Variants in PUM1 observed in about 807,000 individuals in gnomAD.
PUM1 encodes the protein pumilio homolog 1.
A neutral mutation model predicts 131.8 loss-of-function variants in PUM1; 13 were observed. That is an observed-to-expected ratio of 0.10 (90% CI 0.06 to 0.16). PUM1 has a LOEUF of 0.16. Ranked by LOEUF, PUM1 falls within the 10% of genes least tolerant of loss-of-function variation. The pLI, the probability that PUM1 is intolerant of heterozygous loss-of-function variation, is 1.00. For missense variants in PUM1, 961 were observed against 1,512.4 expected, an observed-to-expected ratio of 0.64 and a Z score of 6.05; for synonymous variants, 509 against 556.5, an observed-to-expected ratio of 0.91 and a Z score of 1.20.
chr1:30,988,888 AT>A (rs1641666988), intron 7 of PUM1, among the ~76,000 whole-genome samples: 1 of 152,164 alleles, frequency 6.6e-6, no homozygotes, highest in Non-Finnish European at 1.5e-5. Context: ...GAACCCATTA[AT>A]TTAGCACTTA....
chr1:31,050,138 CTTT>C lies in PUM1; in HGVS notation c.363+9063_363+9065del, dbSNP rs1570356108. ...GAGCCAATTGCAACCAGCCGAACTT[CTTT>C]TGTTTACACTGGAACAAGGTAATTC... On this transcript the variant is annotated intron_variant, in intron 2 of 21. Coordinates refer to ENST00000426105, the MANE Select transcript of PUM1 (RefSeq NM_001020658.2). 3.3e-5 allele frequency among the ~76,000 whole-genome samples: 5 copies of C among 152,194 alleles called. No individual in the cohort carries two copies. The East Asian group carries it at 9.7e-4, about 29-fold the overall frequency.
At position 31,010,242 on chromosome 1, in the gene PUM1, G is replaced by A. The variant is rs141081948; in HGVS notation, c.433-3140C>T. On this transcript the variant is annotated intron_variant, in intron 3 of 21. Transcript: ENST00000426105. ...TCTCCCTTTCCTCCAAAACATATGC[G>A]TCTATACTCAACTGCTGTGGTTAGC... Among the ~76,000 whole-genome samples, 600 of 152,192 alleles carry A rather than the reference G, an allele frequency of 3.9e-3. 5 individuals carry two copies. Among genetic ancestry groups the A allele is most frequent in the Non-Finnish European group, 7.1e-3 (483 of 67,996 alleles).
intron 2 of PUM1, among the ~76,000 whole-genome samples, chr1:31,029,309 CTCTT>C (rs1456860660): frequency 9.2e-5 from 14 of 152,208 alleles, no homozygotes; most frequent in Non-Finnish European, 1.8e-4. Flanking sequence ...TCCACTATTT[CTCTT>C]TGGTAAACCT....
chr1:31,058,094 T>C (rs189670572), intron 2 of PUM1, among the ~76,000 whole-genome samples: 1 of 152,224 alleles, frequency 6.6e-6, no homozygotes, highest in Admixed American at 6.5e-5. Flanking sequence ...AAATTAAAAA[T>C]TAAACAATAA....
intron 17 of PUM1, chr1:30,949,129 C>T: frequency 2.3e-6 from 1 of 432,852 alleles, no homozygotes; most frequent in Non-Finnish European, 4.6e-6. Flanking sequence ...TGGCTCAGAA[C>T]TTGAGTCCAT....
intron 7 of PUM1, among the ~76,000 whole-genome samples, chr1:30,991,980 G>C (rs866640880): frequency 2.6e-5 from 4 of 152,204 alleles, no homozygotes; most frequent in Admixed American, 6.5e-5. Flanking sequence ...CAACTGGTAA[G>C]ATGACCTGGC....
chr1:31,051,004 A>T lies in PUM1; in HGVS notation c.363+8200T>A, dbSNP rs16834192. 8.3e-3 allele frequency: 1,299 copies of T among 156,096 alleles called. 9 individuals carry two copies. Among genetic ancestry groups the T allele is most frequent in the Middle Eastern group, 0.031 (10 of 324 alleles). The allele number at this position is 156,096 out of a possible 1,614,324, so 9.7% of individuals were successfully genotyped here. A position where few individuals can be genotyped will look rare whatever the true frequency, so the allele number is the denominator to read the frequency against. On this transcript the variant is annotated intron_variant, in intron 2 of 21. Coordinates refer to ENST00000426105, the MANE Select transcript of PUM1 (RefSeq NM_001020658.2). ...AATATGCCCCACCAGTGTTTCTGTC[A>T]GTAAGCGAAGAAAATGGGTTTCATT...
At chr1:30,964,549 G>T in intron 14 of PUM1, 125 bp downstream of exon 14, 2 of 811,552 alleles carry the variant, frequency 2.5e-6, no homozygotes, top group Non-Finnish European at 4.1e-6. Context: ...TTTACGGAAG[G>T]CACAGAACAC....
intron 7 of PUM1, among the ~76,000 whole-genome samples, chr1:30,989,595 A>AAAAAAAT: frequency 6.6e-6 from 1 of 150,884 alleles, no homozygotes; most frequent in Non-Finnish European, 1.5e-5. Context: ...AAAAAAAAAA[A>AAAAAAAT]AAAAGAACCA....
In PUM1 at chr1:30,981,340, T is replaced by C. The variant is rs1406842752; in HGVS notation, c.1224A>G (p.Ala408=). The change falls in exon 8 of 22, where the codon GCA becomes GCG. Residue 408 remains alanine (A), a synonymous_variant. Coordinates refer to ENST00000426105, the MANE Select transcript of PUM1 (RefSeq NM_001020658.2). ...TGTGCGGCTGATGAGCAGCTGCCAG[T>C]GCATACTGCTGCTGCTGAGCAGCTG... The part of the protein sequence containing the change: ...QLTAAQQQQY[A]LAAAHQPHIG... The C allele has an allele frequency of 1.2e-6, 2 of 1,602,004 alleles. No homozygotes were observed. Among genetic ancestry groups the C allele is most frequent in the African/African-American group, 1.3e-5 (1 of 74,730 alleles).
At chr1:31,041,290 T>A (rs1447205198) in intron 2 of PUM1, among the ~76,000 whole-genome samples, 8 of 152,132 alleles carry the variant, frequency 5.3e-5, no homozygotes. Context: ...TTGCCCCAGC[T>A]GTTCTCCAAC....
At chr1:31,018,992 C>G (rs1266111530) in intron 3 of PUM1, among the ~76,000 whole-genome samples, 1 of 152,214 alleles carries the variant, frequency 6.6e-6, no homozygotes, top group African/African-American at 2.4e-5. Context: ...CCTCTATAGG[C>G]TGCTGGGCGA....
At chr1:31,007,882 A>G (rs1004087284) in intron 3 of PUM1, among the ~76,000 whole-genome samples, 1 of 152,270 alleles carries the variant, frequency 6.6e-6, no homozygotes, top group Admixed American at 6.5e-5. Context: ...ACAGTTTTGC[A>G]TAAGATCAAA....
chr1:30,945,594 T>A, intron 17 of PUM1, 111 bp from the exon 18 acceptor site: 1 of 1,186,698 alleles, frequency 8.4e-7, no homozygotes, highest in South Asian at 1.5e-5. Context: ...TCTGTGATGA[T>A]GAAAGTGGAA....
At chr1:30,984,189 G>A (rs1488235331) in intron 7 of PUM1, among the ~76,000 whole-genome samples, 1 of 152,186 alleles carries the variant, frequency 6.6e-6, no homozygotes, top group Non-Finnish European at 1.5e-5. Context: ...AGACCATTTT[G>A]CAGTAAACAA....
Position 31,059,542 on chromosome 1 carries a change from T to A in PUM1, c.25A>T (p.Arg9Ter). Reference sequence around the variant, plus strand: ...GAGTCCTGCCAAAGCACTGCTTTTCTCTTCAAGACACATGCAACGCTCATT... The same window carrying A: ...GAGTCCTGCCAAAGCACTGCTTTTCACTTCAAGACACATGCAACGCTCATT... MSVACVLK[R>*]KAVLWQDSFS... Residue 9 changes from arginine (R) to a stop codon, truncating the protein, a stop_gained, in exon 2 of 22, where the codon AGA becomes TGA. Coordinates refer to ENST00000426105, the MANE Select transcript of PUM1 (RefSeq NM_001020658.2). LOFTEE classifies it high-confidence loss of function. 6.2e-7 allele frequency: 1 copy of A among 1,613,822 alleles called. No individual in the cohort carries two copies. The highest frequency in any genetic ancestry group is 8.5e-7 in the Non-Finnish European group (1 of 1,179,866).
chr1:31,053,802 G>C (rs903633219), intron 2 of PUM1, among the ~76,000 whole-genome samples: 1 of 151,512 alleles, frequency 6.6e-6, no homozygotes, highest in African/African-American at 2.4e-5. Flanking sequence ...TTTAATGTAA[G>C]TATACAAGTG....
At chr1:31,065,534 T>C in intron 1 of PUM1, 82 bp downstream of exon 1, 1 of 1,392,378 alleles carries the variant, frequency 7.2e-7, no homozygotes, top group Non-Finnish European at 9.4e-7. Context: ...CCACAACCAC[T>C]CTCAAACACC....
At chr1:31,023,039 T>C (rs1443209691) in intron 3 of PUM1, among the ~76,000 whole-genome samples, 2 of 151,882 alleles carry the variant, frequency 1.3e-5, no homozygotes, top group Non-Finnish European at 2.9e-5. Context: ...CTGGGAATGG[T>C]GGCACACACC....
Sources: allele counts gnomAD v4.1 joint callset (sites outside exome capture counted in the v4.1 genomes callset), GRCh38; gene constraint gnomAD v4.1.1; transcripts MANE v1.5; gene names NCBI Gene and HGNC (gene_info 2026-07-23, HGNC 2026-07-21).